Variants in RASGRF1 observed in about 807,000 individuals in gnomAD.
RASGRF1 encodes ras-specific guanine nucleotide-releasing factor 1.
A neutral mutation model predicts 138.7 loss-of-function variants in RASGRF1; 40 were observed. The observed-to-expected ratio is 0.29, with a 90% confidence interval of 0.22 to 0.38. The LOEUF (loss-of-function observed/expected upper bound fraction) is 0.38. Ranked by LOEUF, RASGRF1 falls within the 10% of genes least tolerant of loss-of-function variation. The pLI is 1.00. For synonymous variants in RASGRF1, 614 were observed against 663.2 expected (o/e 0.93, Z 1.14); for missense variants, 1,108 against 1,650.4 (o/e 0.67, Z 5.69).
intron 1 of RASGRF1, among the ~76,000 whole-genome samples, chr15:79,089,848 C>A (rs528892199): frequency 2.0e-4 from 30 of 152,298 alleles, no homozygotes; most frequent in African/African-American, 6.7e-4. Flanking sequence ...TAGGGCTGGG[C>A]GGTGGGAGTG....
In RASGRF1 at chr15:78,962,211, G is replaced by C; in HGVS notation, c.3707C>G (p.Ser1236Cys). 1 of 1,580,438 alleles carries C rather than the reference G, an allele frequency of 6.3e-7. No individual in the cohort carries two copies. ...AKVTQYLLDQ[S>C]FVMDEESLYE... is the part of the protein sequence containing the mutation. ...GAGGCTTTCTTCATCCATTACAAAA[G>C]ATTGGTCCAGTAAATATTGCGTTAC... is the stretch of plus-strand genomic sequence containing the variant. Residue 1236 changes from serine (S) to cysteine (C), a missense_variant, in exon 27 of 27, where the codon TCT becomes TGT. Physicochemically the swap from Ser to Cys is moderately radical, Grantham distance 112. Transcript: ENST00000558480.
At chr15:78,990,386 G>A in intron 21 of RASGRF1, 113 bp from the exon 22 acceptor site, 2 of 714,208 alleles carry the variant, frequency 2.8e-6, no homozygotes, top group South Asian at 1.7e-5. Flanking sequence ...CATTTCTGGG[G>A]GAACAACCTT....
In RASGRF1 at chr15:78,973,243, C is replaced by T; in HGVS notation, c.3612+60G>A. The T allele has an allele frequency of 7.2e-7, 1 of 1,384,416 alleles. No homozygotes were observed. The highest frequency in any genetic ancestry group is 1.0e-6 in the Non-Finnish European group (1 of 996,228). 85.8% of individuals were successfully genotyped at this position (1,384,416 alleles called of 1,614,324 possible). A position where few individuals can be genotyped will look rare whatever the true frequency, so the allele number is the denominator to read the frequency against. ...TGGGGGGCAGAGTGTGGGTGGGCCCCAGGTTGAGTCATCTGGGCTTCAACG... is the reference window on the plus strand; with the variant it reads ...TGGGGGGCAGAGTGTGGGTGGGCCCTAGGTTGAGTCATCTGGGCTTCAACG... On this transcript the variant is annotated intron_variant, in intron 25 of 26. Coordinates refer to ENST00000558480, the MANE Select transcript of RASGRF1 (RefSeq NM_001145648.3). The surrounding 1 kb of genome is among the most constrained non-coding windows in gnomAD (Gnocchi z 4.9).
chr15:79,017,635 A>G, intron 12 of RASGRF1, 135 bp downstream of exon 12: 1 of 1,170,290 alleles, frequency 8.5e-7, no homozygotes, highest in Non-Finnish European at 1.1e-6. Flanking sequence ...TGGACTTGGA[A>G]GATTCTTGCA....
intron 10 of RASGRF1, 127 bp from the exon 11 acceptor site, chr15:79,020,231 G>T: frequency 2.4e-6 from 2 of 829,490 alleles, no homozygotes; most frequent in Middle Eastern, 4.7e-4. Flanking sequence ...ATGTATGGAT[G>T]GATATATTAT....
intron 20 of RASGRF1, among the ~76,000 whole-genome samples, chr15:78,993,045 C>T (rs1217303197): frequency 6.0e-5 from 8 of 133,658 alleles, no homozygotes; most frequent in Admixed American, 3.7e-4. Flanking sequence ...TGTGTGTGTG[C>T]CATGTGGGTG....
At chr15:79,081,125 C>T (rs1017824932) in intron 1 of RASGRF1, among the ~76,000 whole-genome samples, 2 of 152,216 alleles carry the variant, frequency 1.3e-5, no homozygotes, top group Admixed American at 6.5e-5. Context: ...TTGAAGCTTT[C>T]ACGGGATGAG....
At chr15:79,035,961 C>T (rs941809111) in intron 5 of RASGRF1, among the ~76,000 whole-genome samples, 3 of 152,226 alleles carry the variant, frequency 2.0e-5, no homozygotes, top group Admixed American at 2.0e-4. Flanking sequence ...ACGTGCTGAA[C>T]TCGTATTCTC....
intron 12 of RASGRF1, 86 bp from the exon 13 acceptor site, chr15:79,015,495 C>T: frequency 8.0e-7 from 1 of 1,245,510 alleles, no homozygotes; most frequent in Non-Finnish European, 1.2e-6. Context: ...GTAAAGTTCA[C>T]ATGCCTCAGT....
intron 3 of RASGRF1, among the ~76,000 whole-genome samples, chr15:79,056,118 T>C (rs1017299570): frequency 1.3e-5 from 2 of 152,038 alleles, no homozygotes; most frequent in South Asian, 2.1e-4. Flanking sequence ...CCAGGTAGGA[T>C]GCGTGGGGAT....
chr15:79,007,908 C>A lies in RASGRF1; in HGVS notation c.1827-1474G>T, dbSNP rs574500079. Among the ~76,000 whole-genome samples, 4 of 150,524 alleles carry A rather than the reference C, an allele frequency of 2.7e-5. No homozygotes were observed. In the East Asian group the frequency reaches 7.8e-4, roughly 29 times the overall value. On this transcript the variant is annotated intron_variant, in intron 13 of 26. Transcript: ENST00000558480. ...TTTTTGAGATGGAGTCTTGCTCTGT[C>A]ACCCAAGCTGGAGTGCCTCTGCCTC...
At chr15:79,065,309 A>C (rs2057663163) in intron 1 of RASGRF1, among the ~76,000 whole-genome samples, 1 of 151,326 alleles carries the variant, frequency 6.6e-6, no homozygotes, top group African/African-American at 2.4e-5. Flanking sequence ...ACATTGGTTC[A>C]GTTTTATTTC....
At chr15:79,044,379 G>A (rs1026156849) in intron 5 of RASGRF1, among the ~76,000 whole-genome samples, 2 of 152,194 alleles carry the variant, frequency 1.3e-5, no homozygotes, top group East Asian at 1.9e-4. Flanking sequence ...AGCCTCTTTG[G>A]TGGTTCTCAC....
chr15:78,971,889 A>G lies in RASGRF1; in HGVS notation c.3658T>C (p.Tyr1220His). ...ACCTTTGCTTGGTGCTCTATTTTGT[A>G]GGCAGTTTGTTGAAACTGGCGAATC... is the stretch of plus-strand genomic sequence containing the variant. ...REIRQFQQTA[Y>H]KIEHQAKVTQ... The change falls in exon 26 of 27, where the codon TAC becomes CAC. Residue 1220 changes from tyrosine to histidine, a missense_variant. This residue lies in a region of RASGRF1 where 686 missense variants were observed against 976.7 expected (regional missense o/e 0.70). Coordinates refer to ENST00000558480, the MANE Select transcript of RASGRF1 (RefSeq NM_001145648.3). The G allele has an allele frequency of 6.3e-7, 1 of 1,589,078 alleles. No individual in the cohort carries two copies. The highest frequency in any genetic ancestry group is 8.6e-7 in the Non-Finnish European group (1 of 1,157,114).
At chr15:79,038,455 C>A (rs1462386389) in intron 5 of RASGRF1, among the ~76,000 whole-genome samples, 1 of 152,180 alleles carries the variant, frequency 6.6e-6, no homozygotes, top group Non-Finnish European at 1.5e-5. Flanking sequence ...AAATTACTAT[C>A]ATTGCCCAGC....
In RASGRF1 at chr15:79,032,114, G is replaced by A. The variant is rs778242440; in HGVS notation, c.1152+9C>T. Reference sequence around the variant, plus strand: ...GACTCTACCCCACCCAGGCAGGGCCGGACGCCACCTGGAACATGGGGTAGG... The same window carrying A: ...GACTCTACCCCACCCAGGCAGGGCCAGACGCCACCTGGAACATGGGGTAGG... On this transcript the variant is annotated intron_variant, in intron 7 of 26. Transcript: ENST00000558480. This position sits in a 1 kb window ranked among gnomAD's most constrained non-coding sequence, Gnocchi z 4.5. 9.9e-6 allele frequency: 16 copies of A among 1,612,060 alleles called. 1 individual carries two copies. Among genetic ancestry groups the A allele is most frequent in the Middle Eastern group, 1.6e-4 (1 of 6,070 alleles).
At chr15:78,972,726 G>T (rs1398747146) in intron 25 of RASGRF1, among the ~76,000 whole-genome samples, 1 of 152,120 alleles carries the variant, frequency 6.6e-6, no homozygotes, top group Non-Finnish European at 1.5e-5. Flanking sequence ...GCTTTCTGGC[G>T]AAGTGAGAGG....
chr15:78,977,292 A>C (rs189922475), intron 24 of RASGRF1, among the ~76,000 whole-genome samples: 1 of 152,140 alleles, frequency 6.6e-6, no homozygotes. Flanking sequence ...CCTCTCTCCC[A>C]TCTTGAGGCC....
intron 10 of RASGRF1, among the ~76,000 whole-genome samples, chr15:79,023,601 G>A (rs1474339729): frequency 6.6e-6 from 1 of 152,212 alleles, no homozygotes; most frequent in African/African-American, 2.4e-5. Context: ...TGGCTGAACA[G>A]ACAGCATGAG....
Sources: gnomAD v4.1 joint callset for allele counts (sites outside exome capture counted in the v4.1 genomes callset) on GRCh38, gnomAD v4.1.1 for gene constraint, gnomAD v4.1.1 regional missense constraint, Gnocchi (gnomAD v3.1) non-coding constraint, MANE v1.5 for transcripts, NCBI Gene and HGNC (gene_info 2026-07-23, HGNC 2026-07-21) for gene names.